The following THUMPD3 variants were observed in gnomAD, a reference collection of about 807,000 sequenced individuals.
THUMPD3 encodes the protein THUMP domain 3 tRNA guanosine methyltransferase, also known as tRNA (guanine(6)-N(2))-methyltransferase THUMP3.
Under a neutral mutation model 54.5 loss-of-function variants are expected in THUMPD3, and 44 were observed. The observed-to-expected ratio is 0.81, with a 90% CI of 0.63 to 1.04. THUMPD3 has a LOEUF of 1.04. Ranked by LOEUF, THUMPD3 falls within the 50% of genes least tolerant of loss-of-function variation. THUMPD3 has a pLI of 0.00. For synonymous variants in THUMPD3, 196 were observed against 201.4 expected, an observed-to-expected ratio of 0.97 and a Z score of 0.23; for missense variants, 604 against 601.3, an observed-to-expected ratio of 1.00 and a Z score of -0.05.
intron 2 of THUMPD3, 151 bp from the exon 3 acceptor site, chr3:9,366,757 G>T: frequency 1.8e-6 from 1 of 563,798 alleles, no homozygotes; most frequent in Non-Finnish European, 3.0e-6. Context: ...AAAGAGATGA[G>T]AAACTAGGGA....
Position 9,370,711 on chromosome 3 carries a change from G to T in THUMPD3, c.331-349G>T, listed in dbSNP as rs149031431. Among the ~76,000 whole-genome samples the T allele has an allele frequency of 8.0e-3, 1,218 of 152,250 alleles. 20 individuals are homozygous for T. Among genetic ancestry groups the T allele is most frequent in the African/African-American group, 0.027 (1,115 of 41,530 alleles). ...TCCACTTGCTTCAGCTTCCTAAAGT[G>T]CTGGGATTACAGGCATGAGCCACCA... is the stretch of plus-strand genomic sequence containing the variant. On this transcript the variant is annotated intron_variant, in intron 3 of 9. Transcript: ENST00000452837.
At chr3:9,372,734 G>A (rs1323082249) in intron 4 of THUMPD3, among the ~76,000 whole-genome samples, 1 of 151,932 alleles carries the variant, frequency 6.6e-6, no homozygotes, top group Non-Finnish European at 1.5e-5. Context: ...TACTTTCCTT[G>A]GTCTTAATCC....
chr3:9,371,011 T>A, intron 3 of THUMPD3, 49 bp from the exon 4 acceptor site: 1 of 1,425,240 alleles, frequency 7.0e-7, no homozygotes, highest in Non-Finnish European at 9.5e-7. Flanking sequence ...TTTATTTGTT[T>A]GATTATAGTG....
Position 9,383,461 on chromosome 3 carries a change from C to A in THUMPD3, c.1235+152C>A, listed in dbSNP as rs539767100. On this transcript the variant is annotated intron_variant, in intron 8 of 9. Coordinates refer to ENST00000452837, the MANE Select transcript of THUMPD3 (RefSeq NM_001114092.2). ...ATGGATTCACCCATTATGTTTCTTC[C>A]GAGAACTCAGGAATGTATTAACTAC... 9.3e-5 allele frequency: 55 copies of A among 589,144 alleles called. 2 individuals are homozygous for A. The South Asian group carries it at 1.0e-3, about 11-fold the overall frequency. 36.5% of individuals were successfully genotyped at this position (589,144 alleles called of 1,614,324 possible).
intron 7 of THUMPD3, among the ~76,000 whole-genome samples, chr3:9,381,149 GT>G (rs2032856330): frequency 6.6e-6 from 1 of 152,120 alleles, no homozygotes; most frequent in African/African-American, 2.4e-5. Flanking sequence ...GTCCAGGCTG[GT>G]GTCAAACTCC....
At position 9,384,548 on chromosome 3, in the gene THUMPD3, T is replaced by C; in HGVS notation, c.1384T>C (p.Trp462Arg). ...TKALSGMRHV[W>R]RKVDTVWVNV... ...GGCGTTATCTGGAATGCGACACGTA[T>C]GGCGAAAGGTGGATACAGTCTGGGT... The change falls in exon 10 of 10, where the codon TGG becomes CGG. Residue 462 changes from tryptophan to arginine, a missense_variant. Transcript: ENST00000452837. The C allele has an allele frequency of 1.9e-6, 3 of 1,614,240 alleles. No homozygotes were observed. Among genetic ancestry groups the C allele is most frequent in the Non-Finnish European group, 2.5e-6 (3 of 1,180,048 alleles).
intron 7 of THUMPD3, among the ~76,000 whole-genome samples, chr3:9,381,121 T>TG (rs561106895): frequency 2.0e-5 from 3 of 152,158 alleles, no homozygotes; most frequent in African/African-American, 7.2e-5. Context: ...TTCGTAGAGA[T>TG]GGGGGTCTTG....
In THUMPD3 at chr3:9,366,924, C is replaced by T. The variant is rs1221703271; in HGVS notation, c.269C>T (p.Ser90Leu). The T allele has an allele frequency of 1.2e-6, 2 of 1,611,196 alleles. No homozygotes were observed. Among genetic ancestry groups the T allele is most frequent in the South Asian group, 1.1e-5 (1 of 90,310 alleles). ...TTCACCCAGGTTCATTGTCTGAGAT[C>T]AGTTGATAACTTATTTGTGGTGGTT... ...ESLAQVHCLR[S>L]VDNLFVVVQE... Residue 90 changes from serine to leucine, a missense_variant, in exon 3 of 10, where the codon TCA (serine) becomes TTA (leucine). Ser to Leu is a moderately radical substitution (Grantham distance 145). Transcript: ENST00000452837.
intron 7 of THUMPD3, among the ~76,000 whole-genome samples, chr3:9,381,979 T>C (rs1248392437): frequency 1.3e-5 from 2 of 151,802 alleles, no homozygotes; most frequent in East Asian, 3.9e-4. Flanking sequence ...GAGACGGGTT[T>C]TCACCATGTT....
chr3:9,383,429 C>G, intron 8 of THUMPD3, 120 bp downstream of exon 8: 1 of 660,772 alleles, frequency 1.5e-6, no homozygotes, highest in Non-Finnish European at 2.7e-6. Context: ...TTTCACTTAA[C>G]AACATGATGG....
chr3:9,383,409 CAG>C, intron 8 of THUMPD3, 100 bp downstream of exon 8: 1 of 834,784 alleles, frequency 1.2e-6, no homozygotes, highest in Non-Finnish European at 2.0e-6. Flanking sequence ...GCAGACTTAG[CAG>C]AGCTGTTTTT....
chr3:9,366,200 C>T (rs1318030436), intron 2 of THUMPD3, among the ~76,000 whole-genome samples: 4 of 152,128 alleles, frequency 2.6e-5, no homozygotes, highest in African/African-American at 9.7e-5. Flanking sequence ...AATTCTTGCT[C>T]AGAAGTAATT....
intron 7 of THUMPD3, among the ~76,000 whole-genome samples, chr3:9,382,379 T>C (rs932504716): frequency 6.6e-6 from 1 of 152,156 alleles, no homozygotes; most frequent in Non-Finnish European, 1.5e-5. Flanking sequence ...TTTATTATTA[T>C]TCATTCTGTC....
rs1335263470 is a variant in THUMPD3 at position 9,386,758 on chromosome 3, G to T, written c.*2070G>T. 2 of 152,110 alleles carry T rather than the reference G, an allele frequency of 1.3e-5. No individual in the cohort carries two copies. The highest frequency in any genetic ancestry group is 2.9e-5 in the Non-Finnish European group (2 of 68,012). 9.4% of individuals were successfully genotyped at this position (152,110 alleles called of 1,614,324 possible). A position where few individuals can be genotyped will look rare whatever the true frequency, so the allele number is the denominator to read the frequency against. On this transcript the variant is annotated 3_prime_UTR_variant, in exon 10 of 10. Transcript: ENST00000452837. ...CTCCTGGACTAAAAGAATGTGAAAAGATGGGGAAATAAATCTGTAATCTGA... is the reference window on the plus strand; with the variant it reads ...CTCCTGGACTAAAAGAATGTGAAAATATGGGGAAATAAATCTGTAATCTGA...
rs1173832959 is a variant in THUMPD3 at position 9,370,935 on chromosome 3, G to T, written c.331-125G>T. The T allele has an allele frequency of 7.7e-6, 6 of 779,360 alleles. No individual in the cohort carries two copies. In the Admixed American group the frequency reaches 7.9e-5, roughly 10 times the overall value. The allele number at this position is 779,360 out of a possible 1,614,324, so 48.3% of individuals were successfully genotyped here. On this transcript the variant is annotated intron_variant, in intron 3 of 9. Coordinates refer to ENST00000452837, the MANE Select transcript of THUMPD3 (RefSeq NM_001114092.2). ...GACTTTTGAGCATCTTTGGGTTTTGGTGTCTTTGGCGGTCCTGGAACCAGT... is the reference window on the plus strand; with the variant it reads ...GACTTTTGAGCATCTTTGGGTTTTGTTGTCTTTGGCGGTCCTGGAACCAGT...
chr3:9,363,488 C>G (rs2125301798), intron 1 of THUMPD3: 1 of 152,284 alleles, frequency 6.6e-6, no homozygotes, highest in Admixed American at 6.5e-5. Context: ...GTGTTAAACA[C>G]TGTCGTGTAT....
intron 6 of THUMPD3, 68 bp downstream of exon 6, chr3:9,377,956 A>C: frequency 8.0e-7 from 1 of 1,252,426 alleles, no homozygotes; most frequent in Non-Finnish European, 1.2e-6. Context: ...TAATGGGCAA[A>C]TTAGACATAA....
At chr3:9,384,474 T>C (rs1575089153) in intron 9 of THUMPD3, 50 bp from the exon 10 acceptor site, 1 of 1,611,414 alleles carries the variant, frequency 6.2e-7, no homozygotes, top group Non-Finnish European at 8.5e-7. Flanking sequence ...TCCTAGTTGA[T>C]GTAAAAGTAG....
chr3:9,383,264 C>G lies in THUMPD3; in HGVS notation c.1190C>G (p.Thr397Ser). Residue 397 changes from threonine to serine, a missense_variant, in exon 8 of 10, where the codon ACT (threonine) becomes AGT (serine). Transcript: ENST00000452837. ...QWDICNLPLR[T>S]GSVDIIVTDL... is the part of the protein sequence containing the mutation. ...GATATCTGCAATCTGCCATTGAGAA[C>G]TGGCTCTGTGGATATTATTGTAACA... 1 of 1,614,078 alleles carries G rather than the reference C, an allele frequency of 6.2e-7. No individual in the cohort carries two copies. Among genetic ancestry groups the G allele is most frequent in the Non-Finnish European group, 8.5e-7 (1 of 1,179,928 alleles).
Sources: allele counts gnomAD v4.1 joint callset (sites outside exome capture counted in the v4.1 genomes callset), GRCh38; gene constraint gnomAD v4.1.1; transcripts MANE v1.5; gene names NCBI Gene and HGNC (gene_info 2026-07-23, HGNC 2026-07-21).